The following STPG2 variants were observed in gnomAD, a reference collection of about 807,000 sequenced individuals.
STPG2 encodes sperm-tail PG-rich repeat-containing protein 2.
A neutral mutation model predicts 54.2 loss-of-function variants in STPG2; 56 were observed. The ratio of observed to expected loss-of-function variants is 1.03; its 90% CI spans 0.83 to 1.29. The LOEUF (loss-of-function observed/expected upper bound fraction) is 1.29, where lower values mean the gene tolerates loss of function less well. STPG2 is among the 50% of genes most tolerant of loss of function. The pLI is 0.00. For synonymous variants in STPG2, 200 were observed against 181.8 expected (o/e 1.10, Z -0.81); for missense variants, 596 against 544.9 (o/e 1.09, Z -0.93).
chr4:97,781,365 C>A (rs1726605814), intron 9 of STPG2, among the ~76,000 whole-genome samples: 1 of 152,154 alleles, frequency 6.6e-6, no homozygotes, highest in South Asian at 2.1e-4. Context: ...CATACACCCT[C>A]CCAAGACTAA....
At chr4:97,689,434 T>C (rs552060518) in intron 10 of STPG2, among the ~76,000 whole-genome samples, 2 of 152,180 alleles carry the variant, frequency 1.3e-5, no homozygotes, top group South Asian at 4.1e-4. Flanking sequence ...CAGTTTATTT[T>C]AATTACAAGG....
In STPG2 at chr4:97,667,333, T is replaced by G. The variant is rs557507728; in HGVS notation, c.1320+45366A>C. On this transcript the variant is annotated intron_variant, in intron 10 of 10. Coordinates refer to ENST00000295268, the MANE Select transcript of STPG2 (RefSeq NM_174952.3). ...AAAACATAAACAAAGAAGAATAAACTTACTACTTTAAGTACAGATGCAATT... is the reference window on the plus strand; with the variant it reads ...AAAACATAAACAAAGAAGAATAAACGTACTACTTTAAGTACAGATGCAATT... Among the ~76,000 whole-genome samples the G allele has an allele frequency of 3.3e-5, 5 of 152,320 alleles. No homozygotes were observed. The South Asian group carries it at 1.0e-3, about 32-fold the overall frequency.
intron 4 of STPG2, among the ~76,000 whole-genome samples, chr4:97,526,194 T>C (rs968121924): frequency 1.3e-4 from 20 of 152,026 alleles, no homozygotes; most frequent in Non-Finnish European, 2.4e-4. Flanking sequence ...AACTGAAAAC[T>C]AGAGAGGTAA....
In STPG2 at chr4:97,442,227, G is replaced by GT. The variant is rs777060566; in HGVS notation, c.463-254395dup. On this transcript the variant is annotated intron_variant, in intron 4 of 4. Coordinates refer to the STPG2 transcript ENST00000522676. ...TTTACTACATGACATGTTTTTTTTT[G>GT]TTTTTTTTTTATTCAGATGGTTACT... Among the ~76,000 whole-genome samples, 1,000 of 141,360 alleles carry GT rather than the reference G, an allele frequency of 7.1e-3. 2 individuals are homozygous for GT. Among genetic ancestry groups the GT allele is most frequent in the African/African-American group, 0.013 (487 of 38,322 alleles). The allele number at this position is 141,360 out of a possible 152,430, so 92.7% of individuals were successfully genotyped here. A position where few individuals can be genotyped will look rare whatever the true frequency, so the allele number is the denominator to read the frequency against.
At chr4:97,929,382 G>A (rs1195045534) in intron 8 of STPG2, among the ~76,000 whole-genome samples, 2 of 152,048 alleles carry the variant, frequency 1.3e-5, no homozygotes, top group South Asian at 4.2e-4. Context: ...ATTCCTTTGG[G>A]AATATACCCA....
intron 10 of STPG2, among the ~76,000 whole-genome samples, chr4:97,636,950 C>G (rs1560696983): frequency 6.6e-6 from 1 of 152,084 alleles, no homozygotes; most frequent in Non-Finnish European, 1.5e-5. Context: ...TGAACCTATT[C>G]CAATCAATAG....
chr4:97,599,585 AG>A (rs1362606150), intron 10 of STPG2, among the ~76,000 whole-genome samples: 6 of 152,128 alleles, frequency 3.9e-5, no homozygotes, highest in Admixed American at 6.5e-5. Context: ...GCACTTTGGG[AG>A]GCCGAGGCGG....
chr4:98,120,711 T>C (rs1030778008), intron 3 of STPG2, among the ~76,000 whole-genome samples: 3 of 152,350 alleles, frequency 2.0e-5, no homozygotes, highest in East Asian at 1.9e-4. Context: ...ATATCTTCTT[T>C]TGAGGAGTGT....
intron 10 of STPG2, among the ~76,000 whole-genome samples, chr4:97,676,344 T>C (rs995530996): frequency 6.6e-6 from 1 of 151,726 alleles, no homozygotes; most frequent in African/African-American, 2.4e-5. Context: ...TATCATGGTG[T>C]TTTGCAAGTT....
chr4:97,477,794 T>G (rs1730115403), intron 4 of STPG2, among the ~76,000 whole-genome samples: 1 of 152,060 alleles, frequency 6.6e-6, no homozygotes, highest in East Asian at 1.9e-4. Context: ...CTGGCCTCGC[T>G]TTTTAAATAA....
At chr4:97,533,398 G>A (rs191241648) in intron 4 of STPG2, among the ~76,000 whole-genome samples, 1,522 of 151,888 alleles carry the variant, frequency 0.01, 13 homozygotes, top group Admixed American at 0.015. Flanking sequence ...CATTTTTTCT[G>A]TGTGTTGTCG....
intron 9 of STPG2, among the ~76,000 whole-genome samples, chr4:97,766,281 G>A (rs1726050120): frequency 6.6e-6 from 1 of 152,020 alleles, no homozygotes; most frequent in African/African-American, 2.4e-5. Flanking sequence ...GCAAACGGAG[G>A]AAAGGATTTC....
chr4:97,977,627 G>C (rs76837413), intron 6 of STPG2, among the ~76,000 whole-genome samples: 150 of 152,290 alleles, frequency 9.8e-4, no homozygotes, highest in African/African-American at 3.3e-3. Context: ...AATCTGTAAA[G>C]CAAATGGTTT....
intron 4 of STPG2, among the ~76,000 whole-genome samples, chr4:97,506,140 A>G (rs1036174767): frequency 3.3e-5 from 5 of 151,818 alleles, no homozygotes; most frequent in African/African-American, 1.2e-4. Context: ...TCACTTCAAG[A>G]CAGCTTAGAC....
chr4:97,860,655 T>C (rs1729496411), intron 8 of STPG2, among the ~76,000 whole-genome samples: 1 of 152,134 alleles, frequency 6.6e-6, no homozygotes, highest in Non-Finnish European at 1.5e-5. Flanking sequence ...TGAATTCATT[T>C]ATCAGATCCA....
At chr4:98,124,934 A>C (rs1413282050) in intron 3 of STPG2, among the ~76,000 whole-genome samples, 3 of 152,018 alleles carry the variant, frequency 2.0e-5, no homozygotes, top group African/African-American at 7.3e-5. Context: ...ATACTCTTCA[A>C]CTCTGAGATT....
intron 8 of STPG2, among the ~76,000 whole-genome samples, chr4:97,871,616 G>T (rs1729992822): frequency 6.6e-6 from 1 of 150,954 alleles, no homozygotes; most frequent in African/African-American, 2.4e-5. Context: ...GAAACACAAA[G>T]CTAAAAAATG....
intron 10 of STPG2, among the ~76,000 whole-genome samples, chr4:97,625,234 C>T (rs1344284826): frequency 6.6e-6 from 1 of 152,166 alleles, no homozygotes; most frequent in African/African-American, 2.4e-5. Flanking sequence ...ATTTATAATG[C>T]TGGCAGATAT....
In STPG2 at chr4:97,947,350, A is replaced by C. The variant is rs181191833; in HGVS notation, c.934-3343T>G. 1.2e-4 allele frequency among the ~76,000 whole-genome samples: 18 copies of C among 152,244 alleles called. 1 individual carries two copies. Among genetic ancestry groups the C allele is most frequent in the Admixed American group, 8.5e-4 (13 of 15,292 alleles). On this transcript the variant is annotated intron_variant, in intron 7 of 10. Coordinates refer to ENST00000295268, the MANE Select transcript of STPG2 (RefSeq NM_174952.3). The stretch of plus-strand genomic sequence containing the variant: ...TGATATATAATCATATCATTGGTGA[A>C]CAGCAATAGTTTTACTTCCTTTTTT...
Sources: allele counts gnomAD v4.1 joint callset (sites outside exome capture counted in the v4.1 genomes callset), GRCh38; gene constraint gnomAD v4.1.1; transcripts MANE v1.5; gene names NCBI Gene and HGNC (gene_info 2026-07-23, HGNC 2026-07-21).